The following SCARB2 variants were observed in gnomAD, a reference collection of about 807,000 sequenced individuals.
The protein encoded by SCARB2 is lysosome membrane protein 2.
In SCARB2, 29 loss-of-function variants were observed where a neutral mutation model predicts 58.6. The observed-to-expected ratio is 0.49, with a 90% CI of 0.37 to 0.67. SCARB2 has a LOEUF of 0.67. Among genes scored for constraint, SCARB2 ranks in the 30% least tolerant of loss-of-function variants. The probability of loss-of-function intolerance (pLI) is 0.00; values close to 1 mark genes in which losing one functional copy is unlikely to be tolerated. For missense variants in SCARB2, 488 were observed against 578.5 expected (o/e 0.84, Z 1.60); for synonymous variants, 195 against 210.1 (o/e 0.93, Z 0.62).
At chr4:76,222,268 C>T (rs1733322921) in intron 1 of SCARB2, among the ~76,000 whole-genome samples, 1 of 151,726 alleles carries the variant, frequency 6.6e-6, no homozygotes, top group Non-Finnish European at 1.5e-5. Flanking sequence ...ACTCTGTTGC[C>T]CAGGCTGGAG....
Position 76,161,737 on chromosome 4 carries a change from T to C in SCARB2, c.1413A>G (p.Glu471=). 1 of 1,614,178 alleles carries C rather than the reference T, an allele frequency of 6.2e-7. No individual in the cohort carries two copies. The highest frequency in any genetic ancestry group is 8.5e-7 in the Non-Finnish European group (1 of 1,180,032). ...QGSMDEGTAD[E]RAPLIRT is the part of the protein sequence containing the mutation. ...TTTAGGTTCGAATGAGGGGTGCTCT[T>C]TCATCCGCTGTTCCCTGAAACACAG... Residue 471 remains glutamate (E), a synonymous_variant, in exon 12 of 12, where the codon GAA becomes GAG. Coordinates refer to ENST00000264896, the MANE Select transcript of SCARB2 (RefSeq NM_005506.4).
At chr4:76,206,392 G>C (rs933917064) in intron 1 of SCARB2, among the ~76,000 whole-genome samples, 4 of 152,048 alleles carry the variant, frequency 2.6e-5, no homozygotes, top group Non-Finnish European at 5.9e-5. Flanking sequence ...GGTATGACGA[G>C]TACCAAAGAA....
chr4:76,161,991 G>C (rs1731909169), intron 11 of SCARB2: 1 of 576,738 alleles, frequency 1.7e-6, no homozygotes, highest in Admixed American at 3.0e-5. Context: ...ACCCTTCTCT[G>C]TGTTGATCTG....
At chr4:76,220,007 G>T (rs1309375672) in intron 1 of SCARB2, among the ~76,000 whole-genome samples, 1 of 152,184 alleles carries the variant, frequency 6.6e-6, no homozygotes, top group Non-Finnish European at 1.5e-5. Context: ...GAATATTAAT[G>T]AGTAGTGTTT....
intron 1 of SCARB2, among the ~76,000 whole-genome samples, chr4:76,220,164 A>G (rs1484469513): frequency 2.0e-5 from 3 of 152,198 alleles, no homozygotes; most frequent in Non-Finnish European, 4.4e-5. Flanking sequence ...TAGGTATATA[A>G]CCCCCAAAAT....
At chr4:76,175,133 A>T (rs1022218202) in intron 6 of SCARB2, 5 of 152,608 alleles carry the variant, frequency 3.3e-5, no homozygotes, top group Non-Finnish European at 7.3e-5. Context: ...TTTTTTAATG[A>T]AAAATTTTAG....
At chr4:76,208,822 G>A (rs1360433866) in intron 1 of SCARB2, among the ~76,000 whole-genome samples, 1 of 152,208 alleles carries the variant, frequency 6.6e-6, no homozygotes, top group Non-Finnish European at 1.5e-5. Context: ...ATACATTGTG[G>A]TCTGTAAGGA....
chr4:76,218,208 T>C (rs1220145157), upstream of SCARB2, among the ~76,000 whole-genome samples: 1 of 152,198 alleles, frequency 6.6e-6, no homozygotes, highest in Admixed American at 6.5e-5. Context: ...TTTCTTCTTA[T>C]TGAAGGTGAT....
At chr4:76,201,020 T>C (rs961460299) in intron 1 of SCARB2, among the ~76,000 whole-genome samples, 1 of 152,196 alleles carries the variant, frequency 6.6e-6, no homozygotes, top group African/African-American at 2.4e-5. Context: ...AAGGATAAAG[T>C]CCACAGTCCT....
At chr4:76,214,943 A>T, upstream of SCARB2, among the ~76,000 whole-genome samples, 1 of 152,218 alleles carries the variant, frequency 6.6e-6, no homozygotes, top group East Asian at 1.9e-4. Context: ...GGTGGAAGGA[A>T]GCATTTGATA....
intron 1 of SCARB2, among the ~76,000 whole-genome samples, chr4:76,205,729 T>G (rs1015437797): frequency 6.6e-6 from 1 of 152,222 alleles, no homozygotes; most frequent in Non-Finnish European, 1.5e-5. Flanking sequence ...TACATTTGTT[T>G]GCATGTCAAA....
rs536630248 is a variant in SCARB2, at chr4:76,174,789, CTT to C, written c.825-478_825-477del. On this transcript the variant is annotated intron_variant, in intron 6 of 11. Transcript: ENST00000264896. ...GACAGATACTTTATTGGAATACACA[CTT>C]TGATACTCAATCCCCCCCTCCAAGA... 1.1e-3 allele frequency: 181 copies of C among 159,722 alleles called. 1 individual carries two copies. The highest frequency in any genetic ancestry group is 3.6e-3 in the African/African-American group (150 of 41,608). The allele number at this position is 159,722 out of a possible 1,614,324, so 9.9% of individuals were successfully genotyped here. A position where few individuals can be genotyped will look rare whatever the true frequency, so the allele number is the denominator to read the frequency against.
chr4:76,214,377 A>G, upstream of SCARB2: 1 of 442,900 alleles, frequency 2.3e-6, no homozygotes, highest in Non-Finnish European at 4.5e-6. Context: ...GCAAGAATGG[A>G]AGATGTGCAA....
intron 1 of SCARB2, among the ~76,000 whole-genome samples, chr4:76,198,839 T>A (rs934802473): frequency 4.7e-5 from 6 of 128,724 alleles, no homozygotes; most frequent in African/African-American, 1.7e-4. Context: ...GGAGAGTGAG[T>A]GAGTGTGTGT....
At chr4:76,216,370 T>C (rs905624772), upstream of SCARB2, among the ~76,000 whole-genome samples, 3 of 152,206 alleles carry the variant, frequency 2.0e-5, no homozygotes, top group Admixed American at 6.5e-5. Context: ...CAGAAGTTCA[T>C]GCTCACACTG....
intron 1 of SCARB2, chr4:76,234,252 G>A (rs1733544663): frequency 1.3e-5 from 2 of 152,374 alleles, no homozygotes; most frequent in Admixed American, 6.5e-5. Context: ...GAAGTCTGAG[G>A]ATGAAAAGGC....
At chr4:76,184,786 AAAAAAAAAAAAAATTTTAATTTAAAAAC>A (rs1732453358) in intron 2 of SCARB2, 1 of 89,164 alleles carries the variant, frequency 1.1e-5, no homozygotes, top group Non-Finnish European at 1.8e-5. Flanking sequence ...TGTCTCTACC[AAAAAAAAAAAAAATTTTAATTTAAAAAC>A]AAGAAAACTC....
intron 2 of SCARB2, among the ~76,000 whole-genome samples, chr4:76,186,592 C>T (rs1175460078): frequency 6.6e-6 from 1 of 152,058 alleles, no homozygotes. Context: ...AGAGCAGGGT[C>T]GGGAGAAGAC....
In SCARB2 at chr4:76,161,632, G is replaced by T; in HGVS notation, c.*81C>A. The T allele has an allele frequency of 6.9e-7, 1 of 1,441,904 alleles. No individual in the cohort carries two copies. Among genetic ancestry groups the T allele is most frequent in the Non-Finnish European group, 9.8e-7 (1 of 1,023,350 alleles). 89.3% of individuals were successfully genotyped at this position (1,441,904 alleles called of 1,614,324 possible). ...CCTTCTTTCAACAGGCAACAAGCCTGCAAGGAGGTGGAGGGTTTCCCCACG... is the reference window on the plus strand; with the variant it reads ...CCTTCTTTCAACAGGCAACAAGCCTTCAAGGAGGTGGAGGGTTTCCCCACG... On this transcript the variant is annotated 3_prime_UTR_variant, in exon 12 of 12. Transcript: ENST00000264896.
Sources: allele counts gnomAD v4.1 joint callset (sites outside exome capture counted in the v4.1 genomes callset), GRCh38; gene constraint gnomAD v4.1.1; transcripts MANE v1.5; gene names NCBI Gene and HGNC (gene_info 2026-07-23, HGNC 2026-07-21).